Variants in RGS7 observed in about 807,000 individuals in gnomAD.
RGS7 encodes regulator of G protein signaling 7.
Under a neutral mutation model 81.1 loss-of-function variants are expected in RGS7, and 27 were observed. The ratio of observed to expected loss-of-function variants is 0.33; its 90% CI spans 0.25 to 0.46. The LOEUF (loss-of-function observed/expected upper bound fraction) is 0.46. Ranked by LOEUF, RGS7 falls within the 20% of genes least tolerant of loss-of-function variation. RGS7 has a pLI of 1.00. For synonymous variants in RGS7, 208 were observed against 207.7 expected, an observed-to-expected ratio of 1.00 and a Z score of -0.01; for missense variants, 396 against 607.4, an observed-to-expected ratio of 0.65 and a Z score of 3.66.
chr1:241,339,029 C>G (rs187246427), intron 2 of RGS7, among the ~76,000 whole-genome samples: 1 of 152,188 alleles, frequency 6.6e-6, no homozygotes, highest in Non-Finnish European at 1.5e-5. Flanking sequence ...GCTATTTATC[C>G]TGATGCTCTC....
chr1:241,094,609 C>CAAAACCAAAACA (rs796393875), intron 3 of RGS7, among the ~76,000 whole-genome samples: 2 of 151,656 alleles, frequency 1.3e-5, no homozygotes, highest in African/African-American at 4.9e-5. Context: ...ACTCTAAAAC[C>CAAAACCAAAACA]AAAACAAAAA....
chr1:240,789,806 G>A (rs1407140565), intron 18 of RGS7, among the ~76,000 whole-genome samples: 4 of 152,018 alleles, frequency 2.6e-5, no homozygotes, highest in African/African-American at 4.8e-5. Flanking sequence ...CTGTGATCTC[G>A]CCCTGCCTCC....
intron 6 of RGS7, among the ~76,000 whole-genome samples, chr1:240,890,113 C>T (rs938165451): frequency 2.0e-5 from 3 of 152,232 alleles, no homozygotes; most frequent in Admixed American, 6.5e-5. Context: ...GAAACAATCT[C>T]CGTTTCCTGG....
chr1:240,977,992 A>G (rs1684396850), intron 4 of RGS7, among the ~76,000 whole-genome samples: 3 of 152,332 alleles, frequency 2.0e-5, no homozygotes, highest in Admixed American at 2.0e-4. Context: ...TGACAACATG[A>G]TATCATGGTG....
chr1:240,941,163 T>C (rs931172470), intron 4 of RGS7, among the ~76,000 whole-genome samples: 6 of 152,232 alleles, frequency 3.9e-5, no homozygotes, highest in Non-Finnish European at 4.4e-5. Context: ...AGGTAAGACC[T>C]AGATTTAATT....
chr1:240,849,398 GA>G (rs1188549805), intron 9 of RGS7, among the ~76,000 whole-genome samples: 1 of 152,100 alleles, frequency 6.6e-6, no homozygotes, highest in African/African-American at 2.4e-5. Flanking sequence ...TCCTCTCAAA[GA>G]AAAAGAAGTC....
chr1:241,062,138 C>A lies in RGS7; in HGVS notation c.175+36528G>T, dbSNP rs2061774073. ...GGAAATCTTTCGAGTGGTTAGATAC[C>A]CACATGGAAAGGGCTTCCTTCTCAT... On this transcript the variant is annotated intron_variant, in intron 3 of 18. Coordinates refer to ENST00000440928, the MANE Select transcript of RGS7 (RefSeq NM_001364886.1). Among the ~76,000 whole-genome samples, 2 of 152,132 alleles carry A rather than the reference C, an allele frequency of 1.3e-5. 1 individual carries two copies. Among genetic ancestry groups the A allele is most frequent in the South Asian group, 4.1e-4 (2 of 4,832 alleles).
chr1:241,215,480 T>A (rs2074489799), intron 2 of RGS7, among the ~76,000 whole-genome samples: 1 of 152,204 alleles, frequency 6.6e-6, no homozygotes, highest in Non-Finnish European at 1.5e-5. Flanking sequence ...AATGAGCAGG[T>A]CAGGAGTCAA....
chr1:241,236,104 A>C (rs2075959606), intron 2 of RGS7, among the ~76,000 whole-genome samples: 1 of 152,150 alleles, frequency 6.6e-6, no homozygotes, highest in Non-Finnish European at 1.5e-5. Flanking sequence ...ACTTTTGAGA[A>C]TACTTAAGAG....
chr1:240,831,630 C>CTTT (rs767275119), intron 9 of RGS7, among the ~76,000 whole-genome samples: 2 of 135,394 alleles, frequency 1.5e-5, no homozygotes, highest in Non-Finnish European at 3.2e-5. Context: ...TCCAGACATC[C>CTTT]TTTTTTTTTT....
At chr1:241,347,302 A>C (rs1380414501) in intron 2 of RGS7, among the ~76,000 whole-genome samples, 1 of 152,100 alleles carries the variant, frequency 6.6e-6, no homozygotes, top group Non-Finnish European at 1.5e-5. Context: ...GGAAGTTGAG[A>C]CACTTGCCCA....
chr1:241,020,749 C>A (rs1466155485), intron 3 of RGS7, among the ~76,000 whole-genome samples: 1 of 152,120 alleles, frequency 6.6e-6, no homozygotes, highest in African/African-American at 2.4e-5. Context: ...TTCTATATTG[C>A]CCTAGAAGAA....
chr1:241,333,584 T>G (rs2082084966), intron 2 of RGS7, among the ~76,000 whole-genome samples: 2 of 152,144 alleles, frequency 1.3e-5, no homozygotes, highest in South Asian at 4.1e-4. Flanking sequence ...GGAAATAATA[T>G]CTCTGGAAAC....
intron 4 of RGS7, among the ~76,000 whole-genome samples, chr1:240,972,284 T>C (rs1683328957): frequency 6.6e-6 from 1 of 151,448 alleles, no homozygotes; most frequent in South Asian, 2.1e-4. Context: ...TAGCAAAGAC[T>C]TGGAACCAAG....
At chr1:240,997,026 T>C (rs963829235) in intron 3 of RGS7, among the ~76,000 whole-genome samples, 11 of 152,218 alleles carry the variant, frequency 7.2e-5, no homozygotes, top group Non-Finnish European at 1.5e-4. Flanking sequence ...AATGGTTCAC[T>C]GCAGCCTCAG....
intron 2 of RGS7, among the ~76,000 whole-genome samples, chr1:241,344,221 T>G (rs1461928985): frequency 6.6e-6 from 1 of 152,226 alleles, no homozygotes; most frequent in Non-Finnish European, 1.5e-5. Context: ...CACTCTTGTA[T>G]TCGTTTGAAC....
intron 2 of RGS7, among the ~76,000 whole-genome samples, chr1:241,336,664 T>C (rs576439568): frequency 4.6e-5 from 7 of 152,356 alleles, no homozygotes; most frequent in Non-Finnish European, 8.8e-5. Flanking sequence ...TTCTTAGGAC[T>C]ATATGAATGA....
At chr1:241,123,567 A>G (rs1407108405) in intron 2 of RGS7, among the ~76,000 whole-genome samples, 1 of 152,184 alleles carries the variant, frequency 6.6e-6, no homozygotes, top group African/African-American at 2.4e-5. Flanking sequence ...CCTGACCAAC[A>G]TGGAGAAACC....
chr1:240,826,273 T>C (rs1055840983), intron 10 of RGS7, among the ~76,000 whole-genome samples: 1 of 152,142 alleles, frequency 6.6e-6, no homozygotes, highest in African/African-American at 2.4e-5. Flanking sequence ...AAAGAAAAGG[T>C]ACTTGGACCA....
Sources: gnomAD v4.1 joint callset for allele counts (sites outside exome capture counted in the v4.1 genomes callset) on GRCh38, gnomAD v4.1.1 for gene constraint, MANE v1.5 for transcripts, NCBI Gene and HGNC (gene_info 2026-07-23, HGNC 2026-07-21) for gene names.